The following TTN variants were observed in gnomAD, a reference collection of about 807,000 sequenced individuals.
The protein encoded by TTN is titin, also known as connectin.
Under a neutral mutation model 3,223.0 loss-of-function variants are expected in TTN, and 1,525 were observed. The observed-to-expected ratio is 0.47, with a 90% CI of 0.45 to 0.49. The LOEUF (loss-of-function observed/expected upper bound fraction) is 0.49, where lower values mean the gene tolerates loss of function less well. Ranked by LOEUF, TTN falls within the 20% of genes least tolerant of loss-of-function variation. The pLI is 0.00. For missense variants in TTN, 40,786 were observed against 43,424.0 expected (o/e 0.94, Z 5.40); for synonymous variants, 14,094 against 15,161.0 (o/e 0.93, Z 5.17).
rs1366676743 is a variant in TTN at position 178,583,688 on chromosome 2, A to G, written c.65494T>C (p.Phe21832Leu). The G allele has an allele frequency of 1.2e-6, 2 of 1,612,370 alleles. No individual in the cohort carries two copies. Among genetic ancestry groups the G allele is most frequent in the Admixed American group, 3.3e-5 (2 of 59,912 alleles). ...TGLEEKAQYQ[F>L]RAIARTAVNI... ...ACCGCGGTCCTGGCAATAGCTCTAAATTGATACTGAGCTTTCTCTTCTAGG... is the reference window on the plus strand; with the variant it reads ...ACCGCGGTCCTGGCAATAGCTCTAAGTTGATACTGAGCTTTCTCTTCTAGG... Residue 21832 changes from phenylalanine (F) to leucine (L), a missense_variant, in exon 312 of 363, where the codon TTT becomes CTT. Transcript: ENST00000589042.
intron 361 of TTN, 128 bp from the exon 362 acceptor site, chr2:178,527,876 G>C: frequency 2.3e-6 from 2 of 858,754 alleles, no homozygotes; most frequent in Non-Finnish European, 3.5e-6. Flanking sequence ...ATTTGCTGTT[G>C]AAGCATAAGC....
chr2:178,550,674 T>C (rs1699063920), intron 336 of TTN: 3 of 440,738 alleles, frequency 6.8e-6, no homozygotes, highest in East Asian at 4.7e-5. Context: ...TGGACACTTA[T>C]TCTCGAGAAC....
chr2:178,776,729 A>C lies in TTN; in HGVS notation c.5135T>G (p.Leu1712Ter). The change falls in exon 28 of 363, where the codon TTA becomes TGA. Residue 1712 changes from leucine (L) to a stop codon, truncating the protein, a stop_gained. Transcript: ENST00000589042. LOFTEE classifies it high-confidence loss of function. ...GGCAGGCCCAAAGCGCTTAAGTCTT[A>C]AGGAAGTGAGTTTTTTCTTGAAAAA... ...KPFFKKKLTSLRLKRFGPAHF... is the reference protein window; with the variant it reads ...KPFFKKKLTS 1 of 1,614,096 alleles carries C rather than the reference A, an allele frequency of 6.2e-7. No homozygotes were observed. Among genetic ancestry groups the C allele is most frequent in the Non-Finnish European group, 8.5e-7 (1 of 1,180,004 alleles).
chr2:178,608,136 A>G (rs577584308), intron 275 of TTN, 42 bp downstream of exon 275: 6 of 1,604,044 alleles, frequency 3.7e-6, no homozygotes, highest in East Asian at 4.5e-5. Flanking sequence ...AAAATGTACA[A>G]TAGCTTGTTC....
chr2:178,665,056 C>G, intron 165 of TTN, 130 bp from the exon 166 acceptor site: 1 of 1,144,464 alleles, frequency 8.7e-7, no homozygotes, highest in Non-Finnish European at 1.2e-6. Flanking sequence ...CACCAATAGG[C>G]TAAGTCTTTT....
At position 178,527,758 on chromosome 2, in the gene TTN, A is replaced by C; in HGVS notation, c.107378-10T>G. On this transcript the variant is annotated splice_polypyrimidine_tract_variant and intron_variant, in intron 361 of 362. Coordinates refer to ENST00000589042, the MANE Select transcript of TTN (RefSeq NM_001267550.2). The stretch of plus-strand genomic sequence containing the variant: ...GGTTCTTCAACTAGAGCTGTGGAGC[A>C]TAGCAGATACACAGTGAACATCAAT... 1 of 1,572,308 alleles carries C rather than the reference A, an allele frequency of 6.4e-7. No individual in the cohort carries two copies. The highest frequency in any genetic ancestry group is 2.2e-5 in the East Asian group (1 of 44,486).
Position 178,562,131 on chromosome 2 carries a change from G to T in TTN, c.84001C>A (p.Gln28001Lys). ...ACTCTAGTTGTCTCTTTAAGAGTCTGACCATCTTTTCTCCAGTTCACAGTA... is the reference window on the plus strand; with the variant it reads ...ACTCTAGTTGTCTCTTTAAGAGTCTTACCATCTTTTCTCCAGTTCACAGTA... ...QATVNWRKDG[Q>K]TLKETTRVNV... Residue 28001 changes from glutamine (Q) to lysine (K), a missense_variant, in exon 326 of 363, where the codon CAG becomes AAG. By Grantham distance (53) the Gln-to-Lys change is moderately conservative. Transcript: ENST00000589042. The T allele has an allele frequency of 6.2e-7, 1 of 1,613,164 alleles. No individual in the cohort carries two copies. The highest frequency in any genetic ancestry group is 1.1e-5 in the South Asian group (1 of 91,014).
chr2:178,586,392 A>C, intron 308 of TTN, 113 bp downstream of exon 308: 2 of 1,299,740 alleles, frequency 1.5e-6, no homozygotes, highest in South Asian at 2.8e-5. Context: ...ACTGTTCTCT[A>C]CTGTTTTTCA....
At position 178,695,791 on chromosome 2, in the gene TTN, C is replaced by A. The variant is rs923391226; in HGVS notation, c.31207+74G>T. 34 of 1,185,370 alleles carry A rather than the reference C, an allele frequency of 2.9e-5. No homozygotes were observed. In the East Asian group the frequency reaches 9.4e-4, roughly 33 times the overall value. 73.4% of individuals were successfully genotyped at this position (1,185,370 alleles called of 1,614,324 possible). A position where few individuals can be genotyped will look rare whatever the true frequency, so the allele number is the denominator to read the frequency against. ...TTTCACATAAACTGCAAATCAGGTT[C>A]ATAGCATTGAAAATTTAATGAACTG... On this transcript the variant is annotated intron_variant, in intron 114 of 362. Coordinates refer to ENST00000589042, the MANE Select transcript of TTN (RefSeq NM_001267550.2).
In TTN at chr2:178,534,431, T is replaced by G; in HGVS notation, c.102184A>C (p.Met34062Leu). 6.2e-7 allele frequency: 1 copy of G among 1,612,520 alleles called. No individual in the cohort carries two copies. Among genetic ancestry groups the G allele is most frequent in the South Asian group, 1.1e-5 (1 of 91,084 alleles). The stretch of plus-strand genomic sequence containing the variant: ...TGCTGGAGAGCCTCCGATGCTGTCA[T>G]GCGAGATTTCCTCTCTTTCACTAAC... ...RLLVKERKSR[M>L]TASEALQHPW... Residue 34062 changes from methionine (M) to leucine (L), a missense_variant, in exon 358 of 363, where the codon ATG (methionine) becomes CTG (leucine). Transcript: ENST00000589042.
Position 178,654,048 on chromosome 2 carries a change from C to G in TTN, c.38428G>C (p.Ala12810Pro), listed in dbSNP as rs1333326592. ...EVVPEKKIPK[A>P]PIKKPEAPAV... ...GGGGCTTCTGGTTTTTTGATTGGTG[C>G]CTTGGGAATTTTCTTTTCTGGGACA... is the stretch of plus-strand genomic sequence containing the variant. Residue 12810 changes from alanine (A) to proline (P), a missense_variant, in exon 194 of 363, where the codon GCA (alanine) becomes CCA (proline). By Grantham distance (27) the Ala-to-Pro change is conservative. Transcript: ENST00000589042. 6 of 1,582,390 alleles carry G rather than the reference C, an allele frequency of 3.8e-6. 1 individual carries two copies. Among genetic ancestry groups the G allele is most frequent in the Non-Finnish European group, 5.1e-6 (6 of 1,173,366 alleles).
chr2:178,664,663 G>T lies in TTN; in HGVS notation c.36193C>A (p.Pro12065Thr), dbSNP rs769808434. The change falls in exon 167 of 363, where the codon CCT becomes ACT. Residue 12065 changes from proline (P) to threonine (T), a missense_variant. Transcript: ENST00000589042. Reference sequence around the variant, plus strand: ...TTCCAGCAAGATATACCTTCATCAGGAAGGACTTCAGGCTTTCTGAGAGGA... The same window carrying T: ...TTCCAGCAAGATATACCTTCATCAGTAAGGACTTCAGGCTTTCTGAGAGGA... ...VVPLRKPEVL[P>T]DEVPEALREV... is the part of the protein sequence containing the mutation. The T allele has an allele frequency of 8.1e-6, 13 of 1,612,410 alleles. No individual in the cohort carries two copies. The South Asian group carries it at 1.3e-4, about 16-fold the overall frequency.
chr2:178,747,938 G>T, intron 47 of TTN: 1 of 1,613,084 alleles, frequency 6.2e-7, no homozygotes, highest in Non-Finnish European at 8.5e-7. Flanking sequence ...TCTATGGAGT[G>T]TGTCAGCTTC....
rs1288323003 is a variant in TTN at position 178,719,743 on chromosome 2, C to T, written c.23749G>A (p.Glu7917Lys). 3 of 1,613,678 alleles carry T rather than the reference C, an allele frequency of 1.9e-6. No individual in the cohort carries two copies. In the East Asian group the frequency reaches 6.7e-5, roughly 36 times the overall value. The change falls in exon 82 of 363, where the codon GAA becomes AAA. Residue 7917 changes from glutamate (E) to lysine (K), a missense_variant. By Grantham distance (56) the Glu-to-Lys change is moderately conservative. Transcript: ENST00000589042. ...ALECVVTGTPELSAKWFKDGR... is the reference protein window; with the variant it reads ...ALECVVTGTPKLSAKWFKDGR... ...TCTTTGAACCACTTGGCTGAGAGTTCTGGTGTTCCAGTCACTACACACTCT... is the reference window on the plus strand; with the variant it reads ...TCTTTGAACCACTTGGCTGAGAGTTTTGGTGTTCCAGTCACTACACACTCT...
intron 335 of TTN, 32 bp downstream of exon 335, chr2:178,551,598 A>G: frequency 6.6e-7 from 1 of 1,505,698 alleles, no homozygotes; most frequent in South Asian, 1.3e-5. Context: ...TTCAATTGCT[A>G]AACTAAATGT....
At chr2:178,731,604 C>G (rs1282698549) in intron 58 of TTN, 21 bp from the exon 59 acceptor site, 1 of 1,580,006 alleles carries the variant, frequency 6.3e-7, no homozygotes, top group East Asian at 2.3e-5. Context: ...AATGAATTCT[C>G]AATCAATATT....
In TTN at chr2:178,592,719, A is replaced by G. The variant is rs72646841; in HGVS notation, c.59344+56T>C. 67,136 of 1,611,942 alleles carry G rather than the reference A, an allele frequency of 0.042. 2,462 individuals carry two copies. Among genetic ancestry groups the G allele is most frequent in the East Asian group, 0.18 (8,151 of 44,646 alleles). On this transcript the variant is annotated intron_variant, in intron 300 of 362. Coordinates refer to ENST00000589042, the MANE Select transcript of TTN (RefSeq NM_001267550.2). ...TCCATAATGCAGATTACAATTAAAC[A>G]CATACAATCAGACATCTATTTTCCT...
intron 121 of TTN, among the ~76,000 whole-genome samples, chr2:178,690,390 T>C (rs1386649792): frequency 6.6e-6 from 1 of 152,144 alleles, no homozygotes; most frequent in Non-Finnish European, 1.5e-5. Flanking sequence ...GGTGTGCCTG[T>C]AGTGAATTCA....
At position 178,579,588 on chromosome 2, in the gene TTN, T is replaced by G. The variant is rs2047230730; in HGVS notation, c.67609A>C (p.Ile22537Leu). 1.9e-6 allele frequency: 3 copies of G among 1,613,302 alleles called. No individual in the cohort carries two copies. The highest frequency in any genetic ancestry group is 1.7e-6 in the Non-Finnish European group (2 of 1,179,492). The change falls in exon 319 of 363, where the codon ATC becomes CTC. Residue 22537 changes from isoleucine (I) to leucine (L), a missense_variant. Ile to Leu is a conservative substitution (Grantham distance 5, BLOSUM62 2). Transcript: ENST00000589042. ...NENGEGTPSE[I>L]TVVARDDVVA... ...ACATCATCCCTTGCCACAACAGTGATTTCGCTTGGGGTTCCTTCTCCATTT... is the reference window on the plus strand; with the variant it reads ...ACATCATCCCTTGCCACAACAGTGAGTTCGCTTGGGGTTCCTTCTCCATTT...
Sources: allele counts gnomAD v4.1 joint callset (sites outside exome capture counted in the v4.1 genomes callset), GRCh38; gene constraint gnomAD v4.1.1; transcripts MANE v1.5; gene names NCBI Gene and HGNC (gene_info 2026-07-23, HGNC 2026-07-21).